ALK: variants seen among roughly 807,000 people sequenced by gnomAD.
The protein encoded by ALK is ALK tyrosine kinase receptor.
ALK carries 74 observed loss-of-function variants against 163.1 expected under a neutral mutation model. The observed-to-expected ratio is 0.45, with a 90% CI of 0.38 to 0.55. The LOEUF is 0.55. ALK is among the 20% of genes least tolerant of loss of function. The pLI is 0.00. For missense variants in ALK, 2,063 were observed against 2,105.3 expected (o/e 0.98, Z 0.39); for synonymous variants, 960 against 843.2 (o/e 1.14, Z -2.40).
At chr2:29,851,609 G>T (rs776050764) in intron 1 of ALK, among the ~76,000 whole-genome samples, 6 of 152,198 alleles carry the variant, frequency 3.9e-5, no homozygotes, top group Non-Finnish European at 8.8e-5. Context: ...CTAGGGTGGG[G>T]CCTGGAAGTC....
chr2:29,860,458 G>C (rs772297506), intron 1 of ALK, among the ~76,000 whole-genome samples: 1 of 149,454 alleles, frequency 6.7e-6, no homozygotes, highest in Non-Finnish European at 1.5e-5. Flanking sequence ...CAATTATCAA[G>C]ATTTCTTGGA....
At chr2:29,197,364 A>G (rs1301995347) in intron 27 of ALK, among the ~76,000 whole-genome samples, 178 bp downstream of exon 27, 1 of 152,132 alleles carries the variant, frequency 6.6e-6, no homozygotes, top group Non-Finnish European at 1.5e-5. Context: ...CTTGCTTTTG[A>G]GGGCCTGGGA....
At chr2:29,282,349 CCCT>C (rs1186347227) in intron 9 of ALK, among the ~76,000 whole-genome samples, 3 of 152,222 alleles carry the variant, frequency 2.0e-5, no homozygotes, top group Non-Finnish European at 4.4e-5. Context: ...CCTGCCACAT[CCCT>C]CCTATTATCT....
intron 3 of ALK, among the ~76,000 whole-genome samples, chr2:29,611,453 G>C (rs1158255310): frequency 1.3e-4 from 20 of 152,196 alleles, no homozygotes; most frequent in Non-Finnish European, 1.5e-5. Flanking sequence ...CTGTGAGATA[G>C]GTAGAGTTTT....
intron 3 of ALK, among the ~76,000 whole-genome samples, chr2:29,631,582 G>C (rs1473235457): frequency 6.6e-6 from 1 of 152,250 alleles, no homozygotes; most frequent in Non-Finnish European, 1.5e-5. Context: ...TAGTGAATTA[G>C]TTAACCTCTT....
At chr2:29,836,333 G>A (rs1298957502) in intron 1 of ALK, among the ~76,000 whole-genome samples, 1 of 152,138 alleles carries the variant, frequency 6.6e-6, no homozygotes, top group African/African-American at 2.4e-5. Flanking sequence ...ACTACCTCTT[G>A]CTCATACTAC....
At chr2:29,260,136 T>G (rs1472604129) in intron 11 of ALK, among the ~76,000 whole-genome samples, 1 of 152,364 alleles carries the variant, frequency 6.6e-6, no homozygotes, top group African/African-American at 2.4e-5. Flanking sequence ...TTTTGTTCCT[T>G]CCCTTAATAG....
Position 29,207,174 on chromosome 2 carries a change from GT to G in ALK, c.3934del (p.Thr1312HisfsTer50). The G allele has an allele frequency of 6.2e-7, 1 of 1,612,602 alleles. No homozygotes were observed. The highest frequency in any genetic ancestry group is 8.5e-7 in the Non-Finnish European group (1 of 1,178,656). On this transcript the variant is annotated frameshift_variant, in exon 26 of 29. Coordinates refer to ENST00000389048, the MANE Select transcript of ALK (RefSeq NM_004304.5). LOFTEE classifies it high-confidence loss of function. ...TGGAGGATGATGGCTGACTTACCAT[GT>G]GTCTGTTTTAGAAGTGAATATTCCT... ...MEGIFTSKTD[T>X]WSFGVLLWEI... is the part of the protein sequence containing the mutation.
rs1039571257 is a variant in ALK at position 29,589,718 on chromosome 2, C to T, written c.953-57602G>A. 3.9e-5 allele frequency among the ~76,000 whole-genome samples: 6 copies of T among 152,118 alleles called. No individual in the cohort carries two copies. In the South Asian group the frequency reaches 6.2e-4, roughly 16 times the overall value. On this transcript the variant is annotated intron_variant, in intron 3 of 28. Coordinates refer to ENST00000389048, the MANE Select transcript of ALK (RefSeq NM_004304.5). ...GGCCTTCTCGTTCATGGTTACAGCT[C>T]GGGAAGTTACACTATCCCCATTTTA...
chr2:29,652,605 G>A (rs1573529687), intron 3 of ALK, among the ~76,000 whole-genome samples: 2 of 152,174 alleles, frequency 1.3e-5, no homozygotes, highest in East Asian at 3.9e-4. Flanking sequence ...ACCAAGGCAG[G>A]ATTAGAAGAT....
In ALK at chr2:29,232,323, GT is replaced by G; in HGVS notation, c.2612del (p.Asn871ThrfsTer40). 1 of 1,614,256 alleles carries G rather than the reference GT, an allele frequency of 6.2e-7. No individual in the cohort carries two copies. Among genetic ancestry groups the G allele is most frequent in the Non-Finnish European group, 8.5e-7 (1 of 1,180,048 alleles). On this transcript the variant is annotated frameshift_variant, in exon 15 of 29. Transcript: ENST00000389048. LOFTEE classifies it high-confidence loss of function. Reference sequence around the variant, plus strand: ...CTTTACCTGCGGCTCCGGAATTGCCGTTTAGCCCTAGAACCGAGGAGTTATT... The same window carrying G: ...CTTTACCTGCGGCTCCGGAATTGCCGTTAGCCCTAGAACCGAGGAGTTATT... ...LENNSSVLGL[N>X]GNSGAAGGGG... is the part of the protein sequence containing the mutation.
intron 4 of ALK, among the ~76,000 whole-genome samples, chr2:29,517,776 G>A (rs559557332): frequency 3.3e-5 from 5 of 152,300 alleles, no homozygotes; most frequent in African/African-American, 1.2e-4. Context: ...GTTGGCTGGT[G>A]TCCTTTGTGT....
chr2:29,250,799 A>G (rs1664795741), intron 12 of ALK, among the ~76,000 whole-genome samples: 1 of 152,244 alleles, frequency 6.6e-6, no homozygotes, highest in African/African-American at 2.4e-5. Flanking sequence ...ATTAAGCAAT[A>G]TTCAATGAAC....
chr2:29,818,415 C>A (rs1664955101), intron 1 of ALK, among the ~76,000 whole-genome samples: 1 of 152,212 alleles, frequency 6.6e-6, no homozygotes, highest in African/African-American at 2.4e-5. Context: ...CAAATTTAGG[C>A]ATAATGAAAA....
intron 4 of ALK, among the ~76,000 whole-genome samples, chr2:29,470,017 T>C (rs559429090): frequency 2.0e-4 from 31 of 152,102 alleles, no homozygotes; most frequent in Non-Finnish European, 4.4e-4. Context: ...AGATGAGCAA[T>C]AAAGAATTTC....
intron 4 of ALK, among the ~76,000 whole-genome samples, chr2:29,392,979 A>T (rs12470326): frequency 1.3e-5 from 2 of 151,506 alleles, no homozygotes; most frequent in African/African-American, 2.4e-5. Flanking sequence ...GATCACTCAA[A>T]GTTCAAGGTC....
chr2:29,506,237 A>G (rs893900602), intron 4 of ALK, among the ~76,000 whole-genome samples: 6 of 152,142 alleles, frequency 3.9e-5, no homozygotes, highest in African/African-American at 1.2e-4. Context: ...CCTTTTTCCA[A>G]TTCTGCATGG....
At chr2:29,855,524 A>G (rs1666117307) in intron 1 of ALK, among the ~76,000 whole-genome samples, 1 of 152,210 alleles carries the variant, frequency 6.6e-6, no homozygotes, top group Non-Finnish European at 1.5e-5. Flanking sequence ...AGGCCTATAC[A>G]TAACCTTTAA....
At chr2:29,194,159 GAGT>G (rs944417493) in intron 28 of ALK, among the ~76,000 whole-genome samples, 7 of 152,104 alleles carry the variant, frequency 4.6e-5, no homozygotes, top group African/African-American at 1.7e-4. Context: ...GCCTGGGACA[GAGT>G]GGAGCAGGAA....
Sources: allele counts gnomAD v4.1 joint callset (sites outside exome capture counted in the v4.1 genomes callset), GRCh38; gene constraint gnomAD v4.1.1; transcripts MANE v1.5; gene names NCBI Gene and HGNC (gene_info 2026-07-23, HGNC 2026-07-21).